Variants in B4GALNT3 observed in about 807,000 individuals in gnomAD.
B4GALNT3 encodes beta-1,4-N-acetyl-galactosaminyltransferase 3, also known as beta-1,4-N-acetylgalactosaminyltransferase 3.
B4GALNT3 carries 86 observed loss-of-function variants against 120.2 expected under a neutral mutation model. That is an observed-to-expected ratio of 0.72 (90% CI 0.60 to 0.86). The LOEUF is 0.86. Among genes scored for constraint, B4GALNT3 ranks in the 40% least tolerant of loss-of-function variants. B4GALNT3 has a pLI of 0.00. For synonymous variants in B4GALNT3, 518 were observed against 510.4 expected, an observed-to-expected ratio of 1.01 and a Z score of -0.20; for missense variants, 1,167 against 1,298.9, an observed-to-expected ratio of 0.90 and a Z score of 1.56.
chr12:557,124 A>G (rs1025755809), intron 15 of B4GALNT3, among the ~76,000 whole-genome samples: 5 of 152,132 alleles, frequency 3.3e-5, no homozygotes, highest in African/African-American at 4.8e-5. Context: ...TGGGTGTGAT[A>G]ACTGGGGTTG....
At chr12:512,684 C>A (rs1429606210) in intron 1 of B4GALNT3, among the ~76,000 whole-genome samples, 12 of 133,706 alleles carry the variant, frequency 9.0e-5, no homozygotes, top group African/African-American at 3.7e-4. Flanking sequence ...CTTCCACCTT[C>A]GATCTTCCTT....
chr12:496,665 G>A (rs777573011), intron 1 of B4GALNT3, among the ~76,000 whole-genome samples: 1 of 152,082 alleles, frequency 6.6e-6, no homozygotes, highest in South Asian at 2.1e-4. Flanking sequence ...TTGTACCACC[G>A]TCACCTCTGT....
intron 3 of B4GALNT3, among the ~76,000 whole-genome samples, chr12:541,444 A>G (rs1433044039): frequency 6.6e-6 from 1 of 152,162 alleles, no homozygotes; most frequent in Non-Finnish European, 1.5e-5. Context: ...CTGCTGGACA[A>G]TGGAGCGAGT....
chr12:460,555 AC>A lies in B4GALNT3; in HGVS notation c.169+13del. On this transcript the variant is annotated intron_variant, in intron 1 of 19. Coordinates refer to ENST00000266383, the MANE Select transcript of B4GALNT3 (RefSeq NM_173593.4). This position sits in a 1 kb window ranked among gnomAD's most constrained non-coding sequence, Gnocchi z 8.0. ...AACCCCCTGAACCGGAGTAAGTAGC[AC>A]CCAGGGGAGGCGAAGGGCGCGGGGG... is the stretch of plus-strand genomic sequence containing the variant. 7.0e-7 allele frequency: 1 copy of A among 1,437,186 alleles called. No homozygotes were observed. Among genetic ancestry groups the A allele is most frequent in the Non-Finnish European group, 9.2e-7 (1 of 1,084,032 alleles). 89.0% of individuals were successfully genotyped at this position (1,437,186 alleles called of 1,614,324 possible).
Position 556,815 on chromosome 12 carries a change from C to T in B4GALNT3, c.2329C>T (p.Pro777Ser), listed in dbSNP as rs1947161386. The change falls in exon 15 of 20, where the codon CCT becomes TCT. Residue 777 changes from proline (P) to serine (S), a missense_variant. Pro to Ser is a moderately conservative substitution (Grantham distance 74). Transcript: ENST00000266383. ...GGCCCAAGAGCCCAAGCTGTGCTGG[C>T]CTCAGGGTTTCTCCTGGAGTCACCG... ...TRAQEPKLCW[P>S]QGFSWSHRAV... The T allele has an allele frequency of 2.5e-6, 4 of 1,613,454 alleles. No individual in the cohort carries two copies. The highest frequency in any genetic ancestry group is 3.4e-6 in the Non-Finnish European group (4 of 1,179,818).
intron 1 of B4GALNT3, among the ~76,000 whole-genome samples, chr12:511,444 A>ACCTTCTACCTT (rs1946557101): frequency 7.3e-5 from 3 of 41,238 alleles, no homozygotes; most frequent in African/African-American, 2.8e-4. Flanking sequence ...TCCACCTTCC[A>ACCTTCTACCTT]CCTTCCACCT....
chr12:473,233 G>C (rs1171926778), intron 1 of B4GALNT3, among the ~76,000 whole-genome samples: 1 of 122,900 alleles, frequency 8.1e-6, no homozygotes, highest in East Asian at 3.9e-4. Context: ...CTCCCAAAGT[G>C]CTGAGATTAC....
chr12:556,762 A>G lies in B4GALNT3; in HGVS notation c.2276A>G (p.Asn759Ser), dbSNP rs759461851. ...CAAGGCCTGGTCTGGGACCCACACA[A>G]CCGTAGGAGACAGGTCCTGAATACC... Reference protein sequence around the residue: ...NLQGLVWDPHNRRRQVLNTRA... With the variant: ...NLQGLVWDPHSRRRQVLNTRA... Residue 759 changes from asparagine to serine, a missense_variant, in exon 15 of 20, where the codon AAC (asparagine) becomes AGC (serine). Asn to Ser is a conservative substitution (Grantham distance 46). Coordinates refer to ENST00000266383, the MANE Select transcript of B4GALNT3 (RefSeq NM_173593.4). 8.1e-6 allele frequency: 13 copies of G among 1,612,614 alleles called. No individual in the cohort carries two copies. The South Asian group carries it at 1.2e-4, about 15-fold the overall frequency.
chr12:511,389 CCTTCTGT>C (rs1267550385), intron 1 of B4GALNT3, among the ~76,000 whole-genome samples: 10 of 134,168 alleles, frequency 7.5e-5, no homozygotes, highest in South Asian at 2.7e-4. Flanking sequence ...CCGCCTTCCA[CCTTCTGT>C]CTTCCACCTT....
Position 550,889 on chromosome 12 carries a change from T to C in B4GALNT3, c.998-33T>C. The stretch of plus-strand genomic sequence containing the variant: ...TTCAGCCCCAGTTTCGTGCTCACCC[T>C]CACCCTCACTCCTCCTCCTCCACTG... On this transcript the variant is annotated intron_variant, in intron 10 of 19. Transcript: ENST00000266383. The surrounding 1 kb of genome is among the most constrained non-coding windows in gnomAD (Gnocchi z 4.1). The C allele has an allele frequency of 6.5e-7, 1 of 1,543,156 alleles. No individual in the cohort carries two copies. Among genetic ancestry groups the C allele is most frequent in the Non-Finnish European group, 9.0e-7 (1 of 1,116,984 alleles).
intron 1 of B4GALNT3, among the ~76,000 whole-genome samples, chr12:480,194 C>T (rs556407029): frequency 6.6e-5 from 10 of 150,694 alleles, no homozygotes; most frequent in South Asian, 2.1e-4. Flanking sequence ...AGATTACAGG[C>T]GTGAGCCACC....
intron 1 of B4GALNT3, among the ~76,000 whole-genome samples, chr12:488,670 A>G (rs1946312953): frequency 6.6e-6 from 1 of 152,152 alleles, no homozygotes; most frequent in South Asian, 2.1e-4. Context: ...TAAATTTTTA[A>G]AATTTTTTTA....
At chr12:512,666 C>CCTT (rs1946601718) in intron 1 of B4GALNT3, among the ~76,000 whole-genome samples, 2 of 134,150 alleles carry the variant, frequency 1.5e-5, no homozygotes, top group African/African-American at 5.9e-5. Flanking sequence ...CCTTCTTCCA[C>CCTT]CTTCCACCTT....
chr12:507,178 A>G (rs1004464339), intron 1 of B4GALNT3, among the ~76,000 whole-genome samples: 2 of 152,222 alleles, frequency 1.3e-5, no homozygotes, highest in African/African-American at 4.8e-5. Context: ...AGACCTCTGT[A>G]GTCATTGGGT....
intron 19 of B4GALNT3, among the ~76,000 whole-genome samples, chr12:559,834 G>C (rs930807265): frequency 5.3e-5 from 8 of 152,136 alleles, no homozygotes; most frequent in African/African-American, 1.7e-4. Flanking sequence ...AGTAGACCTG[G>C]CAAAGGTCAG....
At chr12:465,368 C>T (rs1946066639) in intron 1 of B4GALNT3, among the ~76,000 whole-genome samples, 2 of 151,850 alleles carry the variant, frequency 1.3e-5, no homozygotes, top group Middle Eastern at 3.4e-3. Context: ...TTTCCAAGCA[C>T]CTGATATTTT....
At chr12:547,618 G>A (rs1043237877) in intron 7 of B4GALNT3, among the ~76,000 whole-genome samples, 4 of 152,242 alleles carry the variant, frequency 2.6e-5, no homozygotes, top group South Asian at 2.1e-4. Context: ...GTCGGCCGGC[G>A]GAATCCCACC....
At chr12:543,678 T>C (rs113296758) in intron 3 of B4GALNT3, among the ~76,000 whole-genome samples, 31 of 33,738 alleles carry the variant, frequency 9.2e-4, no homozygotes, top group African/African-American at 2.9e-3. Context: ...GGTGCTCATC[T>C]TCCTGGAGCT....
At chr12:467,294 C>G (rs1463363353) in intron 1 of B4GALNT3, among the ~76,000 whole-genome samples, 1 of 152,046 alleles carries the variant, frequency 6.6e-6, no homozygotes, top group Non-Finnish European at 1.5e-5. Context: ...TGTGGTGGCT[C>G]ACACCTGTAA....
Sources: allele counts gnomAD v4.1 joint callset (sites outside exome capture counted in the v4.1 genomes callset), GRCh38; gene constraint gnomAD v4.1.1; non-coding constraint Gnocchi (gnomAD v3.1); transcripts MANE v1.5; gene names NCBI Gene and HGNC (gene_info 2026-07-23, HGNC 2026-07-21).